The following SMYD3 variants were observed in gnomAD, a reference collection of about 807,000 sequenced individuals.
The protein encoded by SMYD3 is histone-lysine N-methyltransferase SMYD3.
In SMYD3, 36 loss-of-function variants were observed where a neutral mutation model predicts 57.7. That is an observed-to-expected ratio of 0.62 (90% CI 0.48 to 0.82). The LOEUF (loss-of-function observed/expected upper bound fraction) is 0.82, where lower values mean the gene tolerates loss of function less well. SMYD3 is among the 40% of genes least tolerant of loss of function. The pLI, the probability that SMYD3 is intolerant of heterozygous loss-of-function variation, is 0.00. For synonymous variants in SMYD3, 211 were observed against 195.0 expected (o/e 1.08, Z -0.68); for missense variants, 515 against 538.8 (o/e 0.96, Z 0.44).
At chr1:245,988,863 T>C (rs1209924501) in intron 5 of SMYD3, among the ~76,000 whole-genome samples, 1 of 152,254 alleles carries the variant, frequency 6.6e-6, no homozygotes, top group Non-Finnish European at 1.5e-5. Context: ...TCTTCCAGAA[T>C]GTATGACACA....
At chr1:246,162,992 T>C (rs2062147685) in intron 5 of SMYD3, among the ~76,000 whole-genome samples, 3 of 152,210 alleles carry the variant, frequency 2.0e-5, no homozygotes, top group African/African-American at 7.2e-5. Flanking sequence ...TCATCTGTAT[T>C]GTTAACTTGA....
intron 10 of SMYD3, among the ~76,000 whole-genome samples, chr1:245,853,094 G>A (rs1399373708): frequency 1.3e-5 from 2 of 152,204 alleles, no homozygotes; most frequent in Non-Finnish European, 2.9e-5. Context: ...TTTATCAGGT[G>A]AAATAATTCT....
At chr1:246,470,019 G>A (rs2067936508) in intron 1 of SMYD3, among the ~76,000 whole-genome samples, 1 of 152,092 alleles carries the variant, frequency 6.6e-6, no homozygotes, top group Admixed American at 6.6e-5. Flanking sequence ...CTCTGGCTGG[G>A]GTTGAAAAAT....
intron 3 of SMYD3, among the ~76,000 whole-genome samples, chr1:246,333,178 T>A (rs1276821955): frequency 1.3e-5 from 2 of 152,220 alleles, no homozygotes; most frequent in Non-Finnish European, 2.9e-5. Context: ...AACAGCAACA[T>A]GAACCGGAGT....
rs575195089 is a variant in SMYD3 at position 245,839,262 on chromosome 1, C to T, written c.1076+19234G>A. On this transcript the variant is annotated intron_variant, in intron 10 of 11. Coordinates refer to ENST00000490107, the MANE Select transcript of SMYD3 (RefSeq NM_001167740.2). ...TCAGCTCACTGCAAGCTCCGCCTCC[C>T]GGGTTCACGCCATTCTCCTGCCTCA... 1.4e-3 allele frequency among the ~76,000 whole-genome samples: 208 copies of T among 152,326 alleles called. 2 individuals are homozygous for T. Among genetic ancestry groups the T allele is most frequent in the South Asian group, 8.1e-3 (39 of 4,826 alleles).
At chr1:245,931,826 A>G (rs2056741266) in intron 5 of SMYD3, among the ~76,000 whole-genome samples, 1 of 152,220 alleles carries the variant, frequency 6.6e-6, no homozygotes, top group African/African-American at 2.4e-5. Context: ...CAGCTCTTAC[A>G]TGAAATCTAG....
At chr1:246,061,748 TA>T (rs1219575077) in intron 5 of SMYD3, among the ~76,000 whole-genome samples, 1 of 152,004 alleles carries the variant, frequency 6.6e-6, no homozygotes, top group Admixed American at 6.6e-5. Context: ...TTTTAAAAGT[TA>T]AAGCTAACAA....
chr1:246,487,533 A>G (rs971877393), intron 1 of SMYD3, among the ~76,000 whole-genome samples: 2 of 152,160 alleles, frequency 1.3e-5, no homozygotes, highest in African/African-American at 4.8e-5. Context: ...TGAAAGAGTG[A>G]GCACCACCCT....
At chr1:246,136,300 T>C (rs577171076) in intron 5 of SMYD3, among the ~76,000 whole-genome samples, 33 of 152,316 alleles carry the variant, frequency 2.2e-4, no homozygotes, top group African/African-American at 7.9e-4. Context: ...CATTTTTTAG[T>C]TGGCTACCCA....
At chr1:246,379,077 T>TACACAC (rs1256292141) in intron 1 of SMYD3, among the ~76,000 whole-genome samples, 1 of 66,904 alleles carries the variant, frequency 1.5e-5, no homozygotes, top group East Asian at 6.4e-4. Context: ...TACACACACA[T>TACACAC]ACATACACAC....
At chr1:246,103,307 GTTGA>G (rs2061052039) in intron 5 of SMYD3, among the ~76,000 whole-genome samples, 1 of 151,984 alleles carries the variant, frequency 6.6e-6, no homozygotes, top group Non-Finnish European at 1.5e-5. Flanking sequence ...CTGAAATAAT[GTTGA>G]TTATTTTGAG....
At chr1:245,870,253 C>A (rs1346939080) in intron 8 of SMYD3, among the ~76,000 whole-genome samples, 1 of 152,158 alleles carries the variant, frequency 6.6e-6, no homozygotes, top group Non-Finnish European at 1.5e-5. Context: ...TATTACTACA[C>A]TAAGATCAGA....
intron 1 of SMYD3, among the ~76,000 whole-genome samples, chr1:246,373,382 A>G (rs1322140590): frequency 6.6e-6 from 1 of 152,220 alleles, no homozygotes; most frequent in Non-Finnish European, 1.5e-5. Context: ...TCCAATGTTT[A>G]GAATAGTAAA....
At position 246,398,330 on chromosome 1, in the gene SMYD3, C is replaced by A. The variant is rs557509500; in HGVS notation, c.165-43236G>T. On this transcript the variant is annotated intron_variant, in intron 1 of 11. Transcript: ENST00000490107. Reference sequence around the variant, plus strand: ...CCAAGGTTAAACGACACACTCAATTCTTCCCGTGGTTAGTTTGGCCCACGC... The same window carrying A: ...CCAAGGTTAAACGACACACTCAATTATTCCCGTGGTTAGTTTGGCCCACGC... 7.9e-5 allele frequency among the ~76,000 whole-genome samples: 12 copies of A among 152,360 alleles called. No homozygotes were observed. The East Asian group carries it at 2.3e-3, about 29-fold the overall frequency.
At chr1:246,035,052 C>T (rs2148275304) in intron 5 of SMYD3, among the ~76,000 whole-genome samples, 1 of 152,250 alleles carries the variant, frequency 6.6e-6, no homozygotes, top group African/African-American at 2.4e-5. Flanking sequence ...CAAACGTCTC[C>T]CCAGCCTCCC....
At chr1:246,391,221 GA>G (rs58176373) in intron 1 of SMYD3, among the ~76,000 whole-genome samples, 425 of 110,968 alleles carry the variant, frequency 3.8e-3, no homozygotes, top group South Asian at 0.011. Flanking sequence ...CTCTATATCT[GA>G]AAAAAAAAAA....
At chr1:245,757,892 C>CT (rs1301474908) in intron 11 of SMYD3, among the ~76,000 whole-genome samples, 3 of 151,986 alleles carry the variant, frequency 2.0e-5, no homozygotes, top group Admixed American at 6.6e-5. Flanking sequence ...TTCAAGACTG[C>CT]TTTTGGCTAT....
chr1:246,474,103 A>G (rs1222563723), intron 1 of SMYD3, among the ~76,000 whole-genome samples: 2 of 152,244 alleles, frequency 1.3e-5, no homozygotes, highest in Non-Finnish European at 2.9e-5. Context: ...AATTAATTGG[A>G]ACAGGATTCA....
chr1:245,898,788 A>T (rs1196676725), intron 8 of SMYD3, among the ~76,000 whole-genome samples: 1 of 152,230 alleles, frequency 6.6e-6, no homozygotes, highest in East Asian at 1.9e-4. Context: ...GCAACAAGGC[A>T]TGTGACATCC....
Sources: gnomAD v4.1 joint callset for allele counts (sites outside exome capture counted in the v4.1 genomes callset) on GRCh38, gnomAD v4.1.1 for gene constraint, MANE v1.5 for transcripts, NCBI Gene and HGNC (gene_info 2026-07-23, HGNC 2026-07-21) for gene names.